Variants in RNF212 observed in about 807,000 individuals in gnomAD.
RNF212 encodes the protein ring finger protein 212.
In RNF212, 33 loss-of-function variants were observed where a neutral mutation model predicts 34.7. The ratio of observed to expected loss-of-function variants is 0.95; its 90% CI spans 0.72 to 1.27. The LOEUF is 1.27. Ranked by LOEUF, RNF212 falls within the 50% of genes most tolerant of loss-of-function variation. The pLI, the probability that RNF212 is intolerant of heterozygous loss-of-function variation, is 0.00. For synonymous variants in RNF212, 140 were observed against 136.1 expected (o/e 1.03, Z -0.20); for missense variants, 377 against 362.2 (o/e 1.04, Z -0.33).
At chr4:1,073,336 C>G in intron 9 of RNF212, 143 bp from the exon 10 acceptor site, 1 of 1,186,586 alleles carries the variant, frequency 8.4e-7, no homozygotes, top group Non-Finnish European at 1.2e-6. Flanking sequence ...CCCAGTGACA[C>G]TATTTTTGTT....
At chr4:1,098,578 T>A (rs185016457) in intron 2 of RNF212, among the ~76,000 whole-genome samples, 10 of 152,074 alleles carry the variant, frequency 6.6e-5, no homozygotes, top group African/African-American at 2.4e-4. Flanking sequence ...CACCCTCCTA[T>A]ACACACCAAA....
chr4:1,081,567 T>C lies in RNF212; in HGVS notation c.415A>G (p.Thr139Ala). ...AFSTIKSSVS[T>A]KPHGCLLPPH... ...CTCTTTCTGGCATGATTTTACTTAC[T>C]TGAAACTGAACTTTTTATTGTGCTG... Residue 139 changes from threonine (T) to alanine (A), a missense_variant and splice_region_variant, in exon 6 of 10, where the codon ACA (threonine) becomes GCA (alanine). Physicochemically the swap from Thr to Ala is moderately conservative, Grantham distance 58 (BLOSUM62 0). Coordinates refer to ENST00000433731, the MANE Select transcript of RNF212 (RefSeq NM_001131034.4). 1 of 1,610,926 alleles carries C rather than the reference T, an allele frequency of 6.2e-7. No homozygotes were observed.
chr4:1,073,325 A>AC, intron 9 of RNF212, 132 bp from the exon 10 acceptor site: 1 of 1,219,326 alleles, frequency 8.2e-7, no homozygotes, highest in South Asian at 1.6e-5. Context: ...CAGGAAGCAA[A>AC]CCCAGTGACA....
rs953481339 is a variant in RNF212, at chr4:1,058,456, C to T, written n.148-63G>A. Reference sequence around the variant, plus strand: ...TTAACACATCACGGTGCTTTGAGGACGACGACCAGGCCAGCCTGCTGAGCT... The same window carrying T: ...TTAACACATCACGGTGCTTTGAGGATGACGACCAGGCCAGCCTGCTGAGCT... On this transcript the variant is annotated intron_variant and non_coding_transcript_variant, in intron 3 of 4. Transcript: ENST00000503206. 32 of 732,420 alleles carry T rather than the reference C, an allele frequency of 4.4e-5. No homozygotes were observed. The East Asian group carries it at 6.5e-4, about 15-fold the overall frequency. 45.4% of individuals were successfully genotyped at this position (732,420 alleles called of 1,614,324 possible). A position where few individuals can be genotyped will look rare whatever the true frequency, so the allele number is the denominator to read the frequency against.
rs375445210 is a variant in RNF212, at chr4:1,073,035, C to T, written c.733G>A (p.Gly245Arg). Residue 245 changes from glycine (G) to arginine (R), a missense_variant, in exon 10 of 10, where the codon GGG becomes AGG. Gly to Arg is a moderately radical substitution (Grantham distance 125). Coordinates refer to ENST00000433731, the MANE Select transcript of RNF212 (RefSeq NM_001131034.4). ...LLLAFSSGRH[G>R]ELTNSKTLPI... is the part of the protein sequence containing the mutation. The stretch of plus-strand genomic sequence containing the variant: ...AGTGTTTTAGAGTTGGTGAGTTCCC[C>T]GTGCCTTCCAGAACTGAACGCTAGG... 72 of 1,613,986 alleles carry T rather than the reference C, an allele frequency of 4.5e-5. No individual in the cohort carries two copies. Among genetic ancestry groups the T allele is most frequent in the Non-Finnish European group, 5.5e-5 (65 of 1,179,994 alleles).
chr4:1,095,525 T>C (rs866795288), intron 3 of RNF212, among the ~76,000 whole-genome samples: 149 of 90,322 alleles, frequency 1.6e-3, no homozygotes, highest in Non-Finnish European at 2.3e-3. Context: ...CACAGCTCCA[T>C]GGTCTCGGGA....
At chr4:1,092,524 C>A (rs1309548973) in intron 3 of RNF212, among the ~76,000 whole-genome samples, 2 of 152,154 alleles carry the variant, frequency 1.3e-5, no homozygotes, top group Admixed American at 1.3e-4. Context: ...CTGGCTCTGA[C>A]CAATGTTGGG....
At chr4:1,069,757 G>T (rs1338117254), downstream of RNF212, among the ~76,000 whole-genome samples, 3 of 152,256 alleles carry the variant, frequency 2.0e-5, no homozygotes, top group Admixed American at 2.0e-4. Flanking sequence ...CAGGTTATGG[G>T]TCACCCTTCA....
intron 3 of RNF212, among the ~76,000 whole-genome samples, chr4:1,091,972 G>A (rs1722257159): frequency 6.6e-6 from 1 of 152,222 alleles, no homozygotes; most frequent in Non-Finnish European, 1.5e-5. Context: ...TGTGCACATT[G>A]CAGGCCATGG....
chr4:1,085,793 C>T, intron 5 of RNF212, 103 bp downstream of exon 5: 4 of 823,060 alleles, frequency 4.9e-6, no homozygotes, highest in Non-Finnish European at 8.6e-6. Context: ...CTTCCCTCTG[C>T]ATCTGCAGTC....
Position 1,108,388 on chromosome 4 carries a change from G to T in RNF212, c.126C>A (p.Cys42Ter). ...ACLGKGKKNE[C>*]LICKAPCRTV... ...TACGACAAGGAGCTTTACAAATCAA[G>T]CATTCATTCTTTTTACCTATAAAAT... Residue 42 changes from cysteine (C) to a stop codon, truncating the protein, a stop_gained, in exon 2 of 10, where the codon TGC becomes TGA. Coordinates refer to ENST00000433731, the MANE Select transcript of RNF212 (RefSeq NM_001131034.4). LOFTEE classifies it high-confidence loss of function. 1 of 1,498,460 alleles carries T rather than the reference G, an allele frequency of 6.7e-7. No homozygotes were observed. Among genetic ancestry groups the T allele is most frequent in the South Asian group, 1.4e-5 (1 of 71,514 alleles). 92.8% of individuals were successfully genotyped at this position (1,498,460 alleles called of 1,614,324 possible). A position where few individuals can be genotyped will look rare whatever the true frequency, so the allele number is the denominator to read the frequency against.
At chr4:1,087,751 T>C (rs1432415711) in intron 4 of RNF212, among the ~76,000 whole-genome samples, 2 of 151,248 alleles carry the variant, frequency 1.3e-5, no homozygotes, top group African/African-American at 4.9e-5. Flanking sequence ...ATCATGGGGG[T>C]GCTTTCCCCC....
chr4:1,063,497 G>C (rs1447377652), intron 3 of RNF212, among the ~76,000 whole-genome samples: 1 of 152,052 alleles, frequency 6.6e-6, no homozygotes, highest in Non-Finnish European at 1.5e-5. Flanking sequence ...GATCACCTGA[G>C]GTCAGGAGTT....
chr4:1,059,400 G>C (rs1717590583), intron 3 of RNF212, among the ~76,000 whole-genome samples: 1 of 152,208 alleles, frequency 6.6e-6, no homozygotes, highest in South Asian at 2.1e-4. Context: ...ATCACGGTTT[G>C]GCATCTGGAG....
At chr4:1,088,481 A>G (rs780309091) in intron 4 of RNF212, among the ~76,000 whole-genome samples, 29 of 152,254 alleles carry the variant, frequency 1.9e-4, no homozygotes, top group Non-Finnish European at 3.4e-4. Context: ...CTTATGTTTA[A>G]AAGGGAAGCA....
chr4:1,090,192 G>A (rs1280500818), intron 4 of RNF212, among the ~76,000 whole-genome samples: 1 of 151,338 alleles, frequency 6.6e-6, no homozygotes, highest in African/African-American at 2.4e-5. Flanking sequence ...GACAGGACAG[G>A]GCAAGGTGAC....
At position 1,098,610 on chromosome 4, in the gene RNF212, G is replaced by A. The variant is rs75281182; in HGVS notation, c.172-1771C>T. 2.8e-4 allele frequency among the ~76,000 whole-genome samples: 43 copies of A among 152,318 alleles called. No individual in the cohort carries two copies. The East Asian group carries it at 4.8e-3, about 17-fold the overall frequency. On this transcript the variant is annotated intron_variant, in intron 2 of 9. Transcript: ENST00000433731. ...CAAACTGCAAAGGCACAAGCAGTATGTCCAACACCACAGGCATCAGGAGCT... is the reference window on the plus strand; with the variant it reads ...CAAACTGCAAAGGCACAAGCAGTATATCCAACACCACAGGCATCAGGAGCT...
At position 1,056,375 on chromosome 4, in the gene RNF212, G is replaced by C. The variant is rs60276048; in HGVS notation, n.349C>G. 1,032 of 219,594 alleles carry C rather than the reference G, an allele frequency of 4.7e-3. 7 individuals carry two copies. The highest frequency in any genetic ancestry group is 0.019 in the East Asian group (104 of 5,478). 13.6% of individuals were successfully genotyped at this position (219,594 alleles called of 1,614,324 possible). On this transcript the variant is annotated non_coding_transcript_exon_variant, in exon 5 of 5. Transcript: ENST00000503206. ...GGCACGAAGGCTGGAGGACTGGAAG[G>C]GGGCAGAGCGGGTGGCTGGGTGCTC...
chr4:1,105,930 GC>G (rs1327541581), intron 2 of RNF212, among the ~76,000 whole-genome samples: 1 of 152,256 alleles, frequency 6.6e-6, no homozygotes, highest in Non-Finnish European at 1.5e-5. Flanking sequence ...TCCTGCAGGG[GC>G]TGCAGGCCAA....
Sources: allele counts gnomAD v4.1 joint callset (sites outside exome capture counted in the v4.1 genomes callset), GRCh38; gene constraint gnomAD v4.1.1; transcripts MANE v1.5; gene names NCBI Gene and HGNC (gene_info 2026-07-23, HGNC 2026-07-21).